The following MIA3 variants were observed in gnomAD, a reference collection of about 807,000 sequenced individuals.
MIA3 encodes the protein MIA SH3 domain ER export factor 3, also known as transport and Golgi organization protein 1 homolog.
MIA3 carries 90 observed loss-of-function variants against 192.4 expected under a neutral mutation model. That is an observed-to-expected ratio of 0.47 (90% CI 0.39 to 0.56). The LOEUF (loss-of-function observed/expected upper bound fraction) is 0.56. Ranked by LOEUF, MIA3 falls within the 20% of genes least tolerant of loss-of-function variation. MIA3 has a pLI of 0.00. For missense variants in MIA3, 2,123 were observed against 2,269.4 expected, an observed-to-expected ratio of 0.94 and a Z score of 1.31; for synonymous variants, 740 against 792.8, an observed-to-expected ratio of 0.93 and a Z score of 1.12.
Position 222,629,202 on chromosome 1 carries a change from G to A in MIA3, c.1982G>A (p.Arg661Lys). ...LGRNLPWQQE[R>K]DVAATASKQM... ...AGAAATCTTCCCTGGCAACAAGAAA[G>A]AGATGTGGCTGCCACAGCCAGTAAG... Residue 661 changes from arginine to lysine, a missense_variant, in exon 4 of 28, where the codon AGA becomes AAA. This residue lies in a region of MIA3 where 1,357 missense variants were observed against 1,396.1 expected (regional missense o/e 0.97). Transcript: ENST00000344922. 1 of 1,614,208 alleles carries A rather than the reference G, an allele frequency of 6.2e-7. No individual in the cohort carries two copies. The highest frequency in any genetic ancestry group is 1.1e-5 in the South Asian group (1 of 91,076).
intron 4 of MIA3, among the ~76,000 whole-genome samples, chr1:222,631,243 T>C (rs538307724): frequency 2.0e-5 from 3 of 152,110 alleles, no homozygotes; most frequent in African/African-American, 7.2e-5. Context: ...CATCTCAGCC[T>C]CCTAAGTGGC....
Position 222,627,580 on chromosome 1 carries a change from G to A in MIA3, c.360G>A (p.Thr120=), listed in dbSNP as rs1235849478. The change falls in exon 4 of 28, where the codon ACG becomes ACA. Residue 120 remains threonine (T), a synonymous_variant. Transcript: ENST00000344922. ...TGTTTTTCTTTTTCTTACAGGAGAC[G>A]GATTTTGTTTGTTTTGATGGAGGAA... The part of the protein sequence containing the change: ...KEELQVPTDE[T]DFVCFDGGRD... 70 of 1,571,726 alleles carry A rather than the reference G, an allele frequency of 4.5e-5. No individual in the cohort carries two copies. Among genetic ancestry groups the A allele is most frequent in the South Asian group, 6.0e-5 (5 of 83,556 alleles).
chr1:222,619,419 C>G (rs954205332), intron 1 of MIA3, among the ~76,000 whole-genome samples: 2 of 152,168 alleles, frequency 1.3e-5, no homozygotes, highest in Non-Finnish European at 2.9e-5. Flanking sequence ...TTGATGTTAT[C>G]AAAACCGAAT....
chr1:222,622,891 C>T (rs1661938412), intron 2 of MIA3, among the ~76,000 whole-genome samples: 1 of 152,192 alleles, frequency 6.6e-6, no homozygotes, highest in South Asian at 2.1e-4. Flanking sequence ...AGGAACGCTG[C>T]CTTCAGCACC....
Position 222,619,801 on chromosome 1 carries a change from A to G in MIA3, c.134-1358A>G, listed in dbSNP as rs201585018. Among the ~76,000 whole-genome samples the G allele has an allele frequency of 1.7e-4, 26 of 152,346 alleles. No homozygotes were observed. In the East Asian group the frequency reaches 2.3e-3, roughly 14 times the overall value. On this transcript the variant is annotated intron_variant, in intron 1 of 27. Transcript: ENST00000344922. ...TACGTGTTCAGAGGAAACCAAATAC[A>G]ATAGGCATCAACAGGAGCAAGGTCT...
At chr1:222,644,811 C>T (rs562311252) in intron 6 of MIA3, among the ~76,000 whole-genome samples, 5 of 151,446 alleles carry the variant, frequency 3.3e-5, no homozygotes, top group Admixed American at 6.6e-5. Context: ...GAAGTGACAG[C>T]ACTTTATGTT....
Position 222,665,536 on chromosome 1 carries a change from C to T in MIA3, c.5641C>T (p.Pro1881Ser), listed in dbSNP as rs1664241548. 6.2e-7 allele frequency: 1 copy of T among 1,613,988 alleles called. No individual in the cohort carries two copies. The change falls in exon 28 of 28, where the codon CCG (proline) becomes TCG (serine). Residue 1881 changes from proline to serine, a missense_variant. Transcript: ENST00000344922. ...PPPPAVRDLL[P>S]SGSRDEPPPA... ...ACCACCTGCTGTAAGAGACTTACTG[C>T]CGTCAGGCTCTAGAGATGAGCCTCC...
At position 222,645,662 on chromosome 1, in the gene MIA3, T is replaced by G; in HGVS notation, c.3586T>G (p.Phe1196Val). ...AFLGIASFAI[F>V]LWRTVLVVKD... ...CTTGGGAATTGCTTCGTTTGCCATT[T>G]TCTTATGGAGAACTGTCCTTGTTGT... Residue 1196 changes from phenylalanine (F) to valine (V), a missense_variant, in exon 7 of 28, where the codon TTC becomes GTC. Around this residue, in one of 3 missense-constraint regions of MIA3, gnomAD observed 762 missense variants for 856.4 expected, o/e 0.89. Transcript: ENST00000344922. 6.2e-7 allele frequency: 1 copy of G among 1,614,058 alleles called. No homozygotes were observed. The highest frequency in any genetic ancestry group is 1.1e-5 in the South Asian group (1 of 91,066).
At chr1:222,644,428 A>G in intron 6 of MIA3, 3 of 1,549,814 alleles carry the variant, frequency 1.9e-6, no homozygotes, top group Non-Finnish European at 2.6e-6. Flanking sequence ...CAGGGGGCCC[A>G]GTGCCATTCC....
intron 6 of MIA3, among the ~76,000 whole-genome samples, chr1:222,635,060 C>T (rs1662568987): frequency 6.6e-6 from 1 of 152,164 alleles, no homozygotes; most frequent in Admixed American, 6.5e-5. Context: ...CTGAGGGTTT[C>T]AGGAGAAAGA....
chr1:222,618,706 A>G (rs1405147826), intron 1 of MIA3, among the ~76,000 whole-genome samples: 1 of 150,058 alleles, frequency 6.7e-6, no homozygotes, highest in Non-Finnish European at 1.5e-5. Context: ...CGGTGGGTGC[A>G]TCACCCCGGC....
chr1:222,632,872 G>A (rs1662463147), intron 5 of MIA3, among the ~76,000 whole-genome samples: 1 of 152,220 alleles, frequency 6.6e-6, no homozygotes, highest in African/African-American at 2.4e-5. Context: ...GTCCAAGTAT[G>A]TTTATAGCAT....
At chr1:222,619,205 C>T (rs1308370209) in intron 1 of MIA3, among the ~76,000 whole-genome samples, 1 of 152,140 alleles carries the variant, frequency 6.6e-6, no homozygotes, top group African/African-American at 2.4e-5. Context: ...CTTGGTTTAG[C>T]CTTAGCCGCT....
chr1:222,651,213 T>A, intron 11 of MIA3, among the ~76,000 whole-genome samples: 1 of 104,488 alleles, frequency 9.6e-6, no homozygotes, highest in Non-Finnish European at 2.3e-5. Flanking sequence ...TTTGCAAAGT[T>A]TTTTTTTTTT....
chr1:222,667,652 T>C lies in MIA3; in HGVS notation c.*2033T>C, dbSNP rs1452664646. On this transcript the variant is annotated 3_prime_UTR_variant, in exon 28 of 28. Coordinates refer to ENST00000344922, the MANE Select transcript of MIA3 (RefSeq NM_198551.4). ...AACTGCTTCCTCACATCCATCTGAT[T>C]GCACCATTTCTGCAGCAAACCCCAA... 2 of 152,194 alleles carry C rather than the reference T, an allele frequency of 1.3e-5. No individual in the cohort carries two copies. The highest frequency in any genetic ancestry group is 2.4e-5 in the African/African-American group (1 of 41,448). The allele number at this position is 152,194 out of a possible 1,614,324, so 9.4% of individuals were successfully genotyped here. A position where few individuals can be genotyped will look rare whatever the true frequency, so the allele number is the denominator to read the frequency against.
In MIA3 at chr1:222,664,023, C is replaced by T. The variant is rs778854632; in HGVS notation, c.5288C>T (p.Pro1763Leu). The T allele has an allele frequency of 5.0e-6, 8 of 1,614,016 alleles. No homozygotes were observed. The South Asian group carries it at 7.7e-5, about 16-fold the overall frequency. The change falls in exon 27 of 28, where the codon CCT (proline) becomes CTT (leucine). Residue 1763 changes from proline to leucine, a missense_variant. Physicochemically the swap from Pro to Leu is moderately conservative, Grantham distance 98 (BLOSUM62 -3). Coordinates refer to ENST00000344922, the MANE Select transcript of MIA3 (RefSeq NM_198551.4). ...GTTAATATGGCTCCAAAAGGGCCCC[C>T]TCCTTTCCCAGGAGTCCCTCTCATG... ...GKVNMAPKGP[P>L]PFPGVPLMST...
chr1:222,644,267 T>G (rs900401617), intron 6 of MIA3: 17 of 1,375,338 alleles, frequency 1.2e-5, no homozygotes, highest in African/African-American at 4.4e-5. Context: ...GCCGGCTCCT[T>G]TGGTGCCTTG....
intron 7 of MIA3, chr1:222,647,821 T>G (rs959737044): frequency 6.8e-5 from 22 of 325,544 alleles, no homozygotes; most frequent in Middle Eastern, 4.1e-4. Context: ...ATTAGAGAGA[T>G]AGTAATTTCT....
At chr1:222,655,967 T>TC (rs967103549) in intron 18 of MIA3, among the ~76,000 whole-genome samples, 2 of 133,724 alleles carry the variant, frequency 1.5e-5, no homozygotes, top group Non-Finnish European at 3.2e-5. Context: ...CTTTCCCTTT[T>TC]TTTTTTTTTT....
Sources: allele counts gnomAD v4.1 joint callset (sites outside exome capture counted in the v4.1 genomes callset), GRCh38; gene constraint gnomAD v4.1.1; regional missense constraint gnomAD v4.1.1; transcripts MANE v1.5; gene names NCBI Gene and HGNC (gene_info 2026-07-23, HGNC 2026-07-21).